The following ADGRF1 variants were observed in gnomAD, a reference collection of about 807,000 sequenced individuals.
The protein encoded by ADGRF1 is G protein-coupled receptor 110.
In ADGRF1, 85 loss-of-function variants were observed where a neutral mutation model predicts 87.2. The observed-to-expected ratio is 0.97, with a 90% CI of 0.82 to 1.17. ADGRF1 has a LOEUF of 1.17. Ranked by LOEUF, ADGRF1 falls within the 50% of genes most tolerant of loss-of-function variation. The pLI is 0.00. For synonymous variants in ADGRF1, 430 were observed against 408.8 expected (o/e 1.05, Z -0.63); for missense variants, 1,169 against 1,077.2 (o/e 1.09, Z -1.19).
chr6:47,011,984 C>T lies in ADGRF1; in HGVS notation c.1116+23G>A, dbSNP rs372364040. ...CAGGATCAAGCATTTAAAGTGAGCC[C>T]TTCAAGCACAGGCAGACCATACCTC... On this transcript the variant is annotated intron_variant, in intron 10 of 14. Coordinates refer to ENST00000371253, the MANE Select transcript of ADGRF1 (RefSeq NM_153840.4). 2.5e-6 allele frequency: 4 copies of T among 1,601,200 alleles called. No individual in the cohort carries two copies. The African/African-American group carries it at 4.0e-5, about 16-fold the overall frequency.
chr6:47,023,853 C>T (rs114394265), intron 5 of ADGRF1, among the ~76,000 whole-genome samples, 191 bp downstream of exon 5: 279 of 152,226 alleles, frequency 1.8e-3, no homozygotes, highest in African/African-American at 6.4e-3. Context: ...CACATGTCAC[C>T]ATGTGTTTCT....
intron 7 of ADGRF1, chr6:47,018,228 G>A (rs2113890796): frequency 2.3e-6 from 1 of 433,034 alleles, no homozygotes; most frequent in Non-Finnish European, 3.8e-6. Context: ...TCAGCATACA[G>A]ATGTGTTTGA....
At chr6:47,012,222 G>C (rs1384972979) in intron 9 of ADGRF1, 27 bp from the exon 10 acceptor site, 5 of 1,601,610 alleles carry the variant, frequency 3.1e-6, no homozygotes, top group Non-Finnish European at 4.3e-6. Context: ...TTAAGTTCTA[G>C]AAAACAATGA....
chr6:47,020,845 A>G, intron 6 of ADGRF1, 56 bp from the exon 7 acceptor site: 1 of 1,391,994 alleles, frequency 7.2e-7, no homozygotes. Context: ...CTTCAGAAAG[A>G]CATTTGAGCA....
Position 47,004,966 on chromosome 6 carries a change from T to G in ADGRF1, c.2592+851A>C, listed in dbSNP as rs141466957. ...TGAAAAATGCAGACCAAGGAAGACTTTTTAATGCCAGAGGAAAATTTCCTT... is the reference window on the plus strand; with the variant it reads ...TGAAAAATGCAGACCAAGGAAGACTGTTTAATGCCAGAGGAAAATTTCCTT... On this transcript the variant is annotated intron_variant, in intron 13 of 14. Coordinates refer to ENST00000371253, the MANE Select transcript of ADGRF1 (RefSeq NM_153840.4). Among the ~76,000 whole-genome samples, 570 of 152,288 alleles carry G rather than the reference T, an allele frequency of 3.7e-3. 3 individuals are homozygous for G. The highest frequency in any genetic ancestry group is 6.0e-3 in the Non-Finnish European group (405 of 68,018).
Position 47,009,533 on chromosome 6 carries a change from G to C in ADGRF1, c.1902C>G (p.Leu634=), listed in dbSNP as rs1252632390. ...CAATAAACCAGACATCAGCAATCAA[G>C]AGGGACAGGGCTATGTTCACCATGC... ...RICMVNIALS[L]LIADVWFIVG... is the part of the protein sequence containing the mutation. The change falls in exon 11 of 15, where the codon CTC becomes CTG. Residue 634 remains leucine, a synonymous_variant. Transcript: ENST00000371253. 1 of 1,614,112 alleles carries C rather than the reference G, an allele frequency of 6.2e-7. No homozygotes were observed. Among genetic ancestry groups the C allele is most frequent in the East Asian group, 2.2e-5 (1 of 44,852 alleles).
At chr6:47,037,388 C>T (rs1459798874) in intron 1 of ADGRF1, among the ~76,000 whole-genome samples, 2 of 152,156 alleles carry the variant, frequency 1.3e-5, no homozygotes, top group Non-Finnish European at 2.9e-5. Context: ...TAGGTATTTG[C>T]TCATGATTTG....
At chr6:47,003,854 C>T (rs1460032735) in intron 13 of ADGRF1, among the ~76,000 whole-genome samples, 1 of 152,208 alleles carries the variant, frequency 6.6e-6, no homozygotes, top group Non-Finnish European at 1.5e-5. Context: ...CCCTGGCAAA[C>T]AAACTTCTAA....
In ADGRF1 at chr6:47,024,064, A is replaced by G. The variant is rs1468459642; in HGVS notation, c.431T>C (p.Val144Ala). ...CTTACTTGTTCTCTCACAGAAATTG[A>G]CACTCTGGCTGAGGTTGTTGAGATG... ...ECHLNNLSQS[V>A]NFCERTKIWG... Residue 144 changes from valine to alanine, a missense_variant, in exon 5 of 15, where the codon GTC (valine) becomes GCC (alanine). Transcript: ENST00000371253. The G allele has an allele frequency of 4.3e-6, 7 of 1,613,706 alleles. No homozygotes were observed. The highest frequency in any genetic ancestry group is 5.9e-6 in the Non-Finnish European group (7 of 1,179,882).
Position 47,010,300 on chromosome 6 carries a change from C to T in ADGRF1, c.1135G>A (p.Asp379Asn). Residue 379 changes from aspartate (D) to asparagine (N), a missense_variant, in exon 11 of 15, where the codon GAC becomes AAC. Asp to Asn is a conservative substitution (Grantham distance 23, BLOSUM62 1). Coordinates refer to ENST00000371253, the MANE Select transcript of ADGRF1 (RefSeq NM_153840.4). ...ACTGAGGCTGAATTAAGGATATTGT[C>T]AGCTATACTGATGACATCCTGAAAC... is the stretch of plus-strand genomic sequence containing the variant. ...STMEDVISIA[D>N]NILNSASVTN... 1.2e-6 allele frequency: 2 copies of T among 1,607,892 alleles called. No homozygotes were observed. The highest frequency in any genetic ancestry group is 1.1e-5 in the South Asian group (1 of 89,888).
rs371900960 is a variant in ADGRF1, at chr6:47,031,852, G to A, written c.-43-2748C>T. On this transcript the variant is annotated intron_variant, in intron 1 of 14. Transcript: ENST00000371253. ...AGTGATCCTCCCACCTCAGCCTGCCGAGTAGCTGAGACTACAGGCTAATTC... is the reference window on the plus strand; with the variant it reads ...AGTGATCCTCCCACCTCAGCCTGCCAAGTAGCTGAGACTACAGGCTAATTC... 9.2e-4 allele frequency among the ~76,000 whole-genome samples: 140 copies of A among 152,108 alleles called. 6 individuals are homozygous for A. In the South Asian group the frequency reaches 0.025, roughly 27 times the overall value.
intron 9 of ADGRF1, chr6:47,012,466 C>A (rs1779737393): frequency 1.9e-6 from 1 of 536,640 alleles, no homozygotes; most frequent in Non-Finnish European, 2.5e-6. Flanking sequence ...CTTTCAATAT[C>A]CTTTGAGGGA....
rs1488820268 is a variant in ADGRF1, at chr6:46,998,880, T to G, written c.*1342A>C. On this transcript the variant is annotated 3_prime_UTR_variant, in exon 15 of 15. Transcript: ENST00000371253. ...TCTCACTTTCATATTTCATGTGTGC[T>G]GCACCTTGGTGCCTTGTGGAAGTCT... The G allele has an allele frequency of 6.6e-6, 1 of 152,294 alleles. No individual in the cohort carries two copies. Among genetic ancestry groups the G allele is most frequent in the Non-Finnish European group, 1.5e-5 (1 of 68,068 alleles). The allele number at this position is 152,294 out of a possible 1,614,324, so 9.4% of individuals were successfully genotyped here.
At chr6:47,007,048 T>A (rs1779553696) in intron 12 of ADGRF1, among the ~76,000 whole-genome samples, 1 of 152,166 alleles carries the variant, frequency 6.6e-6, no homozygotes, top group South Asian at 2.1e-4. Flanking sequence ...CATTACATGT[T>A]TGATTAGTTC....
intron 7 of ADGRF1, 193 bp downstream of exon 7, chr6:47,020,538 T>C: frequency 6.6e-7 from 1 of 1,508,620 alleles, no homozygotes; most frequent in African/African-American, 1.4e-5. Flanking sequence ...TAAACTCATT[T>C]AAGTGAGAAT....
At chr6:47,023,703 C>T (rs1226490) in intron 5 of ADGRF1, among the ~76,000 whole-genome samples, 62,069 of 152,002 alleles carry the variant, frequency 0.41, 14,817 homozygotes, top group African/African-American at 0.67. Context: ...TGGCAAAAGA[C>T]GTGAAAAGAG....
rs1779309031 is a variant in ADGRF1, at chr6:46,999,764, C to G, written c.*458G>C. On this transcript the variant is annotated 3_prime_UTR_variant, in exon 15 of 15. Transcript: ENST00000371253. Reference sequence around the variant, plus strand: ...ATTTGAAAGAGAAATGGTTTTTTCTCTAGGAAATTTGCACTAATAACTTTT... The same window carrying G: ...ATTTGAAAGAGAAATGGTTTTTTCTGTAGGAAATTTGCACTAATAACTTTT... The G allele has an allele frequency of 6.6e-6, 1 of 152,308 alleles. No homozygotes were observed. The highest frequency in any genetic ancestry group is 2.1e-4 in the South Asian group (1 of 4,824). 9.4% of individuals were successfully genotyped at this position (152,308 alleles called of 1,614,324 possible). A position where few individuals can be genotyped will look rare whatever the true frequency, so the allele number is the denominator to read the frequency against.
At position 47,026,019 on chromosome 6, in the gene ADGRF1, G is replaced by T. The variant is rs1405536463; in HGVS notation, c.128-16C>A. ...TCGACTGGGCCTAAAGAGAGAAAGA[G>T]AGTCAGAAACCTTTTTTTCTGTCCT... On this transcript the variant is annotated splice_polypyrimidine_tract_variant and intron_variant, in intron 3 of 14. Coordinates refer to ENST00000371253, the MANE Select transcript of ADGRF1 (RefSeq NM_153840.4). 1 of 1,549,522 alleles carries T rather than the reference G, an allele frequency of 6.5e-7. No individual in the cohort carries two copies.
At chr6:47,025,346 G>A (rs1780197544) in intron 4 of ADGRF1, among the ~76,000 whole-genome samples, 1 of 152,182 alleles carries the variant, frequency 6.6e-6, no homozygotes, top group Non-Finnish European at 1.5e-5. Context: ...TAATGCTGCT[G>A]CTGCTGGCCT....
Sources: allele counts gnomAD v4.1 joint callset (sites outside exome capture counted in the v4.1 genomes callset), GRCh38; gene constraint gnomAD v4.1.1; transcripts MANE v1.5; gene names NCBI Gene and HGNC (gene_info 2026-07-23, HGNC 2026-07-21).